TEAD1: variants seen among roughly 807,000 people sequenced by gnomAD.
TEAD1 encodes transcriptional enhancer factor TEF-1.
TEAD1 carries 9 observed loss-of-function variants against 54.9 expected under a neutral mutation model. That is an observed-to-expected ratio of 0.16 (90% CI 0.10 to 0.29). The LOEUF (loss-of-function observed/expected upper bound fraction) is 0.29. TEAD1 is among the 10% of genes least tolerant of loss of function. The pLI, the probability that TEAD1 is intolerant of heterozygous loss-of-function variation, is 1.00. For synonymous variants in TEAD1, 200 were observed against 187.8 expected (o/e 1.07, Z -0.53); for missense variants, 387 against 535.9 (o/e 0.72, Z 2.74).
chr11:12,821,575 T>C (rs1369392461), intron 3 of TEAD1, among the ~76,000 whole-genome samples: 1 of 152,222 alleles, frequency 6.6e-6, no homozygotes, highest in Non-Finnish European at 1.5e-5. Flanking sequence ...TCCCTGAGCA[T>C]GCAGTCGGAA....
chr11:12,937,042 T>C lies in TEAD1; in HGVS notation c.1168-67T>C. On this transcript the variant is annotated intron_variant, in intron 12 of 12. Coordinates refer to ENST00000527636, the MANE Select transcript of TEAD1 (RefSeq NM_021961.6). ...TTGTTCTTCTCCAATTAAGTCATAG[T>C]CGTCATACACAGATGGAATATGTTT... 2.7e-6 allele frequency: 3 copies of C among 1,103,052 alleles called. No individual in the cohort carries two copies. The South Asian group carries it at 3.9e-5, about 14-fold the overall frequency. The allele number at this position is 1,103,052 out of a possible 1,614,324, so 68.3% of individuals were successfully genotyped here.
chr11:12,808,884 G>A (rs543466517), intron 3 of TEAD1, among the ~76,000 whole-genome samples: 19 of 152,254 alleles, frequency 1.2e-4, no homozygotes, highest in African/African-American at 3.4e-4. Context: ...TCCATAAGGT[G>A]GCTGTGAGAA....
intron 9 of TEAD1, 95 bp downstream of exon 9, chr11:12,883,220 C>G: frequency 1.3e-6 from 2 of 1,578,762 alleles, no homozygotes; most frequent in Non-Finnish European, 1.7e-6. Context: ...TTTACCCCGC[C>G]CCATGCCTGA....
At chr11:12,698,201 A>G (rs555275914) in intron 2 of TEAD1, among the ~76,000 whole-genome samples, 1 of 152,230 alleles carries the variant, frequency 6.6e-6, no homozygotes, top group South Asian at 2.1e-4. Context: ...GGTTTGTGCA[A>G]GTGAGGAAGC....
At chr11:12,817,070 C>T (rs750620254) in intron 3 of TEAD1, among the ~76,000 whole-genome samples, 7 of 152,186 alleles carry the variant, frequency 4.6e-5, no homozygotes, top group Non-Finnish European at 7.3e-5. Context: ...AGCAGAACCT[C>T]GCGCAGGGCA....
chr11:12,707,462 C>T (rs2133846920), intron 2 of TEAD1, among the ~76,000 whole-genome samples: 1 of 152,338 alleles, frequency 6.6e-6, no homozygotes, highest in Admixed American at 6.5e-5. Context: ...GCTTAACTAC[C>T]TCACTCTCAG....
intron 4 of TEAD1, among the ~76,000 whole-genome samples, chr11:12,863,775 T>C (rs1239936530): frequency 6.6e-6 from 1 of 152,158 alleles, no homozygotes; most frequent in Non-Finnish European, 1.5e-5. Flanking sequence ...CTCTTCTAAA[T>C]TTAACCAAGT....
At chr11:12,823,985 A>G (rs1946601970) in intron 3 of TEAD1, among the ~76,000 whole-genome samples, 1 of 152,080 alleles carries the variant, frequency 6.6e-6, no homozygotes, top group African/African-American at 2.4e-5. Context: ...AGACTAAGTG[A>G]TTGGGGCTAT....
intron 2 of TEAD1, among the ~76,000 whole-genome samples, chr11:12,713,780 C>T (rs1943993553): frequency 6.6e-6 from 1 of 152,182 alleles, no homozygotes; most frequent in Non-Finnish European, 1.5e-5. Flanking sequence ...TTCGCCTTTT[C>T]CACTCCGCCG....
chr11:12,826,108 G>A (rs1333456104), intron 3 of TEAD1, among the ~76,000 whole-genome samples: 3 of 152,202 alleles, frequency 2.0e-5, no homozygotes, highest in African/African-American at 7.2e-5. Context: ...CTTGAGTTAG[G>A]CAAAGAGTTC....
intron 3 of TEAD1, among the ~76,000 whole-genome samples, chr11:12,815,785 C>A (rs1210481748): frequency 1.3e-5 from 2 of 152,204 alleles, no homozygotes; most frequent in African/African-American, 4.8e-5. Flanking sequence ...GTGTTTTCAG[C>A]ACTGGGGTGC....
intron 3 of TEAD1, among the ~76,000 whole-genome samples, chr11:12,833,625 T>TA (rs1040039308): frequency 2.3e-4 from 34 of 146,978 alleles, no homozygotes; most frequent in African/African-American, 4.0e-4. Context: ...GCCATGCTAC[T>TA]AAAAAAAAAA....
At chr11:12,734,928 A>T (rs1944497864) in intron 2 of TEAD1, among the ~76,000 whole-genome samples, 1 of 152,218 alleles carries the variant, frequency 6.6e-6, no homozygotes, top group Admixed American at 6.5e-5. Flanking sequence ...AAACACACAA[A>T]CACACCGCCA....
chr11:12,924,793 C>A, intron 10 of TEAD1, 119 bp from the exon 11 acceptor site: 1 of 1,278,018 alleles, frequency 7.8e-7, no homozygotes, highest in Non-Finnish European at 1.1e-6. Flanking sequence ...ATGAGCATCA[C>A]CTTCCCAAGC....
intron 5 of TEAD1, among the ~76,000 whole-genome samples, chr11:12,874,566 C>T (rs1947817115): frequency 6.6e-6 from 1 of 152,166 alleles, no homozygotes; most frequent in Non-Finnish European, 1.5e-5. Flanking sequence ...TGTAAGGCTT[C>T]AGGCTGAGGA....
In TEAD1 at chr11:12,938,042, A is replaced by T. The variant is rs1188551988; in HGVS notation, c.*820A>T. 2 of 152,624 alleles carry T rather than the reference A, an allele frequency of 1.3e-5. No individual in the cohort carries two copies. The highest frequency in any genetic ancestry group is 2.9e-5 in the Non-Finnish European group (2 of 68,028). The allele number at this position is 152,624 out of a possible 1,614,324, so 9.5% of individuals were successfully genotyped here. On this transcript the variant is annotated 3_prime_UTR_variant, in exon 13 of 13. Coordinates refer to ENST00000527636, the MANE Select transcript of TEAD1 (RefSeq NM_021961.6). ...ATGATGGATTATTTAATGAAAAAGA[A>T]AAAATGGCTCTTTTTGCAATAAGTA...
chr11:12,872,790 A>G (rs1424599302), intron 5 of TEAD1, among the ~76,000 whole-genome samples: 3 of 152,216 alleles, frequency 2.0e-5, no homozygotes, highest in East Asian at 1.9e-4. Flanking sequence ...AGTGAGGACA[A>G]GGGCTCCTGA....
intron 3 of TEAD1, among the ~76,000 whole-genome samples, chr11:12,771,345 G>A (rs1328922755): frequency 6.6e-6 from 1 of 152,216 alleles, no homozygotes; most frequent in African/African-American, 2.4e-5. Context: ...AACTAGATCT[G>A]AAGGCGTGAA....
rs560527810 is a variant in TEAD1, at chr11:12,761,772, G to C, written c.-54-2407G>C. Among the ~76,000 whole-genome samples, 3 of 152,304 alleles carry C rather than the reference G, an allele frequency of 2.0e-5. No homozygotes were observed. In the South Asian group the frequency reaches 6.2e-4, roughly 32 times the overall value. On this transcript the variant is annotated intron_variant, in intron 2 of 12. Coordinates refer to ENST00000527636, the MANE Select transcript of TEAD1 (RefSeq NM_021961.6). ...GGATGGGGTATACTCTCAAGGAATG[G>C]ATGTGTAGATGTTAACCAGGAGATG...
Sources: allele counts gnomAD v4.1 joint callset (sites outside exome capture counted in the v4.1 genomes callset), GRCh38; gene constraint gnomAD v4.1.1; transcripts MANE v1.5; gene names NCBI Gene and HGNC (gene_info 2026-07-23, HGNC 2026-07-21).